The following ZNF589 variants were observed in gnomAD, a reference collection of about 807,000 sequenced individuals.
ZNF589 encodes the protein KRAB-zinc finger protein SZF1-1.
A neutral mutation model predicts 13.6 loss-of-function variants in ZNF589; 17 were observed. The observed-to-expected ratio is 1.25, with a 90% CI of 0.86 to 1.88. The LOEUF (loss-of-function observed/expected upper bound fraction) is 1.88. Ranked by LOEUF, ZNF589 falls within the 40% of genes most tolerant of loss-of-function variation. ZNF589 has a pLI of 0.00. For synonymous variants in ZNF589, 148 were observed against 161.6 expected, an observed-to-expected ratio of 0.92 and a Z score of 0.64; for missense variants, 407 against 434.0, an observed-to-expected ratio of 0.94 and a Z score of 0.55.
rs535722926 is a variant in ZNF589, at chr3:48,261,229, G to A, written c.223+290G>A. On this transcript the variant is annotated intron_variant, in intron 3 of 3. Transcript: ENST00000354698. ...TAGATTAAGGGAGATCTGAAGTGCCGGGTGTGGAGGCAACTGGCTGAACTT... is the reference window on the plus strand; with the variant it reads ...TAGATTAAGGGAGATCTGAAGTGCCAGGTGTGGAGGCAACTGGCTGAACTT... Among the ~76,000 whole-genome samples, 12 of 152,230 alleles carry A rather than the reference G, an allele frequency of 7.9e-5. No individual in the cohort carries two copies. The South Asian group carries it at 1.5e-3, about 18-fold the overall frequency.
rs2106854443 is a variant in ZNF589, at chr3:48,270,860, G to A, written c.*2074G>A. ...AGCCTGCTTAGGGGAAGGGCTAGGG[G>A]TACCTGGAATGTAGGATCTCCCCCA... On this transcript the variant is annotated 3_prime_UTR_variant, in exon 4 of 4. Transcript: ENST00000354698. 1 of 167,380 alleles carries A rather than the reference G, an allele frequency of 6.0e-6. No homozygotes were observed. The highest frequency in any genetic ancestry group is 1.3e-5 in the Non-Finnish European group (1 of 78,164). The allele number at this position is 167,380 out of a possible 1,614,324, so 10.4% of individuals were successfully genotyped here. A position where few individuals can be genotyped will look rare whatever the true frequency, so the allele number is the denominator to read the frequency against.
intron 3 of ZNF589, among the ~76,000 whole-genome samples, chr3:48,266,516 G>T (rs2034020228): frequency 6.6e-6 from 1 of 152,220 alleles, no homozygotes; most frequent in Non-Finnish European, 1.5e-5. Flanking sequence ...GAATGTGGTG[G>T]TGGGAGTGGG....
In ZNF589 at chr3:48,268,528, A is replaced by G. The variant is rs1158501864; in HGVS notation, c.837A>G (p.Gly279=). ...CAGGAGAAAAGCCTTATGTCTGCGG[A>G]GAGTGTGGGCGAGGCTTTATAGTTG... ...THTGEKPYVC[G]ECGRGFIVES... is the part of the protein sequence containing the mutation. The change falls in exon 4 of 4, where the codon GGA becomes GGG. Residue 279 remains glycine, a synonymous_variant. Transcript: ENST00000354698. 1 of 1,613,124 alleles carries G rather than the reference A, an allele frequency of 6.2e-7. No homozygotes were observed. Among genetic ancestry groups the G allele is most frequent in the Non-Finnish European group, 8.5e-7 (1 of 1,179,746 alleles).
At chr3:48,260,660 C>T (rs1448007678) in intron 2 of ZNF589, among the ~76,000 whole-genome samples, 153 bp from the exon 3 acceptor site, 1 of 152,162 alleles carries the variant, frequency 6.6e-6, no homozygotes, top group East Asian at 1.9e-4. Flanking sequence ...CCTCCCACCT[C>T]GGCCTCCCAA....
In ZNF589 at chr3:48,268,269, A is replaced by G. The variant is rs1343362985; in HGVS notation, c.578A>G (p.Gln193Arg). The stretch of plus-strand genomic sequence containing the variant: ...TTAGAGATACAGCTCAGTCCAGCCC[A>G]GAATGCAAGCTCTGAGGAAGTAGAC... ...RILEIQLSPA[Q>R]NASSEEVDRI... is the part of the protein sequence containing the mutation. Residue 193 changes from glutamine (Q) to arginine (R), a missense_variant, in exon 4 of 4, where the codon CAG becomes CGG. Physicochemically the swap from Gln to Arg is conservative, Grantham distance 43. Transcript: ENST00000354698. 6.2e-7 allele frequency: 1 copy of G among 1,611,126 alleles called. No individual in the cohort carries two copies. The highest frequency in any genetic ancestry group is 1.1e-5 in the South Asian group (1 of 90,666).
chr3:48,241,236 G>T (rs1216317944), intron 1 of ZNF589, 22 bp downstream of exon 1: 1 of 1,608,560 alleles, frequency 6.2e-7, no homozygotes, highest in Admixed American at 1.7e-5. Context: ...CCGCGAGATC[G>T]CCTCCCCCAT....
rs1305798296 is a variant in ZNF589, at chr3:48,270,544, TCTGACAGTTTGC to T, written c.*1761_*1772del. 5 of 329,672 alleles carry T rather than the reference TCTGACAGTTTGC, an allele frequency of 1.5e-5. No individual in the cohort carries two copies. The highest frequency in any genetic ancestry group is 1.2e-4 in the Admixed American group (3 of 24,180). 20.4% of individuals were successfully genotyped at this position (329,672 alleles called of 1,614,324 possible). A position where few individuals can be genotyped will look rare whatever the true frequency, so the allele number is the denominator to read the frequency against. ...ACTCCAGGGCCCATATGGCCCAGGT[TCTGACAGTTTGC>T]CTTACTCCCTTGGGCTGGGGCTAGC... On this transcript the variant is annotated 3_prime_UTR_variant, in exon 4 of 4. Transcript: ENST00000354698.
chr3:48,255,857 T>C (rs2033893606), intron 2 of ZNF589, among the ~76,000 whole-genome samples: 1 of 151,886 alleles, frequency 6.6e-6, no homozygotes, highest in African/African-American at 2.4e-5. Context: ...CCTCCTGCCT[T>C]GACCTCCCAA....
chr3:48,262,358 T>G (rs1225978725), intron 3 of ZNF589, among the ~76,000 whole-genome samples: 1 of 151,700 alleles, frequency 6.6e-6, no homozygotes, highest in Non-Finnish European at 1.5e-5. Flanking sequence ...GCCGGCTAAT[T>G]TTTTGTATTT....
chr3:48,251,853 G>A (rs2033842084), intron 2 of ZNF589, among the ~76,000 whole-genome samples: 1 of 151,846 alleles, frequency 6.6e-6, no homozygotes, highest in Non-Finnish European at 1.5e-5. Context: ...GACCAGCCTG[G>A]GCAACGTGGC....
chr3:48,250,654 TAG>T (rs1253176989), intron 2 of ZNF589, among the ~76,000 whole-genome samples: 1 of 151,850 alleles, frequency 6.6e-6, no homozygotes, highest in Non-Finnish European at 1.5e-5. Flanking sequence ...GTATTTTTAT[TAG>T]AGACTTGGTT....
rs1468583149 is a variant in ZNF589, at chr3:48,269,525, TACGCATGCATCGAGTGTGGGCGA to T, written c.*741_*763del. On this transcript the variant is annotated 3_prime_UTR_variant, in exon 4 of 4. Coordinates refer to ENST00000354698, the MANE Select transcript of ZNF589 (RefSeq NM_016089.3). ...GAGGACACACACAGGAGAGAAACCT[TACGCATGCATCGAGTGTGGGCGA>T]AACTTTAGCCACAAGTCCACTCTCA... The T allele has an allele frequency of 5.1e-5, 19 of 370,482 alleles. No individual in the cohort carries two copies. The highest frequency in any genetic ancestry group is 1.0e-5 in the Non-Finnish European group (2 of 190,734). The allele number at this position is 370,482 out of a possible 1,614,324, so 22.9% of individuals were successfully genotyped here. A position where few individuals can be genotyped will look rare whatever the true frequency, so the allele number is the denominator to read the frequency against.
intron 2 of ZNF589, 58 bp downstream of exon 2, chr3:48,247,735 G>T: frequency 6.3e-7 from 1 of 1,585,396 alleles, no homozygotes; most frequent in Non-Finnish European, 8.6e-7. Flanking sequence ...CAGAGAATGG[G>T]CTCATCTGTC....
rs2034008458 is a variant in ZNF589, at chr3:48,265,300, TTG to T, written c.224-2614_224-2613del. Among the ~76,000 whole-genome samples, 18 of 124,944 alleles carry T rather than the reference TTG, an allele frequency of 1.4e-4. No homozygotes were observed. In the South Asian group the frequency reaches 2.6e-3, roughly 18 times the overall value. 82.0% of individuals were successfully genotyped at this position (124,944 alleles called of 152,430 possible). On this transcript the variant is annotated intron_variant, in intron 3 of 3. Coordinates refer to ENST00000354698, the MANE Select transcript of ZNF589 (RefSeq NM_016089.3). ...TTTTTTTTTTTTTTTTTTTTTTTTT[TTG>T]GAGACAGAGTTTCACTCTTGTGGCC...
intron 3 of ZNF589, 63 bp downstream of exon 3, chr3:48,261,002 C>T: frequency 1.9e-6 from 3 of 1,557,968 alleles, no homozygotes; most frequent in African/African-American, 1.4e-5. Flanking sequence ...ATTCAGTGTG[C>T]CAGCCAATGT....
chr3:48,255,990 C>T (rs1225152744), intron 2 of ZNF589, among the ~76,000 whole-genome samples: 4 of 150,472 alleles, frequency 2.7e-5, no homozygotes, highest in African/African-American at 9.8e-5. Flanking sequence ...TTTCTTTAGC[C>T]TGTTAACATG....
intron 2 of ZNF589, among the ~76,000 whole-genome samples, chr3:48,248,730 T>C (rs989719144): frequency 6.6e-6 from 1 of 152,216 alleles, no homozygotes. Flanking sequence ...GTAATAATTA[T>C]GATGAAGACA....
chr3:48,247,020 G>A (rs1254409948), intron 1 of ZNF589, among the ~76,000 whole-genome samples: 2 of 151,948 alleles, frequency 1.3e-5, no homozygotes, highest in Non-Finnish European at 2.9e-5. Flanking sequence ...GCCCAAGCTG[G>A]AGTGCAGTGG....
chr3:48,245,946 CA>C (rs1378321395), intron 1 of ZNF589, among the ~76,000 whole-genome samples: 56 of 125,770 alleles, frequency 4.5e-4, no homozygotes, highest in South Asian at 5.0e-4. Context: ...GACTCTGTCT[CA>C]AAAAAAAAAA....
Sources: gnomAD v4.1 joint callset for allele counts (sites outside exome capture counted in the v4.1 genomes callset) on GRCh38, gnomAD v4.1.1 for gene constraint, MANE v1.5 for transcripts, NCBI Gene and HGNC (gene_info 2026-07-23, HGNC 2026-07-21) for gene names.